The following UNC79 variants were observed in gnomAD, a reference collection of about 807,000 sequenced individuals.
UNC79 encodes the protein protein unc-79 homolog.
In UNC79, 37 loss-of-function variants were observed where a neutral mutation model predicts 283.1. That is an observed-to-expected ratio of 0.13 (90% CI 0.10 to 0.17). The LOEUF is 0.17. Ranked by LOEUF, UNC79 falls within the 10% of genes least tolerant of loss-of-function variation. The probability of loss-of-function intolerance (pLI) is 1.00; values close to 1 mark genes in which losing one functional copy is unlikely to be tolerated. For synonymous variants in UNC79, 1,107 were observed against 1,200.2 expected (o/e 0.92, Z 1.61); for missense variants, 2,272 against 3,211.1 (o/e 0.71, Z 7.07).
intron 26 of UNC79, chr14:93,604,900 G>A (rs760792007): frequency 5.1e-6 from 8 of 1,581,450 alleles, no homozygotes; most frequent in Middle Eastern, 1.7e-4. Context: ...TTTAAGCTAT[G>A]AGGTTGACCA....
At chr14:93,539,975 G>A (rs1216038133) in intron 12 of UNC79, among the ~76,000 whole-genome samples, 6 of 152,024 alleles carry the variant, frequency 3.9e-5, no homozygotes, top group African/African-American at 1.4e-4. Context: ...AAATATTTTT[G>A]TACATAGTGC....
intron 14 of UNC79, among the ~76,000 whole-genome samples, chr14:93,559,027 A>G (rs978314793): frequency 6.6e-6 from 1 of 152,196 alleles, no homozygotes; most frequent in Non-Finnish European, 1.5e-5. Context: ...GATAAAAGAA[A>G]AACTTCAGCT....
At chr14:93,584,887 G>C (rs2064109026) in intron 20 of UNC79, among the ~76,000 whole-genome samples, 1 of 151,528 alleles carries the variant, frequency 6.6e-6, no homozygotes, top group Non-Finnish European at 1.5e-5. Context: ...TTAAGAGATG[G>C]GGTTTTGCCA....
At chr14:93,669,908 A>G (rs965250458) in intron 40 of UNC79, among the ~76,000 whole-genome samples, 1 of 152,176 alleles carries the variant, frequency 6.6e-6, no homozygotes, top group African/African-American at 2.4e-5. Flanking sequence ...TCAGCACACA[A>G]TCAAAGATAA....
intron 37 of UNC79, 56 bp from the exon 41 acceptor site, chr14:93,655,178 G>A (rs979290862): frequency 2.0e-5 from 31 of 1,581,758 alleles, no homozygotes; most frequent in Non-Finnish European, 2.5e-5. Context: ...ACCAAATAGC[G>A]CTATGCATTC....
In UNC79 at chr14:93,675,356, A is replaced by G. The variant is rs139532102; in HGVS notation, c.6741+1901A>G. 6.8e-4 allele frequency among the ~76,000 whole-genome samples: 103 copies of G among 152,328 alleles called. No individual in the cohort carries two copies. In the East Asian group the frequency reaches 0.019, roughly 28 times the overall value. ...CTTATGAAGCATTATGAGGCCTGAC[A>G]TGGGCCAGGTGCTCTGCAGGGTGCT... On this transcript the variant is annotated intron_variant, in intron 41 of 48. Transcript: ENST00000555664.
At chr14:93,397,977 G>T (rs1195242908) in intron 1 of UNC79, among the ~76,000 whole-genome samples, 1 of 152,122 alleles carries the variant, frequency 6.6e-6, no homozygotes, top group African/African-American at 2.4e-5. Context: ...CTGAATTGCT[G>T]CAAGCCCTTA....
Position 93,430,946 on chromosome 14 carries a change from C to G in UNC79, c.-84C>G. 2 of 689,548 alleles carry G rather than the reference C, an allele frequency of 2.9e-6. No homozygotes were observed. The highest frequency in any genetic ancestry group is 5.5e-5 in the East Asian group (2 of 36,490). 42.7% of individuals were successfully genotyped at this position (689,548 alleles called of 1,614,324 possible). A position where few individuals can be genotyped will look rare whatever the true frequency, so the allele number is the denominator to read the frequency against. ...GGGTGGGGGGTGGGGGGTATGCACT[C>G]TTTTCCTCGCAACATCGCTGGCGGA... On this transcript the variant is annotated 5_prime_UTR_variant, in exon 1 of 49. Coordinates refer to ENST00000555664, the Ensembl canonical transcript of UNC79. The surrounding 1 kb of genome is among the most constrained non-coding windows in gnomAD (Gnocchi z 4.6).
intron 14 of UNC79, among the ~76,000 whole-genome samples, chr14:93,548,108 A>G (rs1296414858): frequency 6.6e-6 from 1 of 152,214 alleles, no homozygotes; most frequent in East Asian, 1.9e-4. Context: ...TTGGGCTGCA[A>G]AAAAATACCA....
Position 93,557,260 on chromosome 14 carries a change from G to C in UNC79, c.1755+14564G>C, listed in dbSNP as rs569643267. Among the ~76,000 whole-genome samples the C allele has an allele frequency of 5.9e-5, 9 of 152,318 alleles. 2 individuals carry two copies. Among genetic ancestry groups the C allele is most frequent in the African/African-American group, 2.2e-4 (9 of 41,570 alleles). On this transcript the variant is annotated intron_variant, in intron 14 of 48. Coordinates refer to ENST00000555664, the Ensembl canonical transcript of UNC79. ...TATAACAATCTTGAAGCCATATTTT[G>C]TTATGGGTATTGGGACATCTGGACT...
chr14:93,510,162 A>T (rs2059751327), intron 7 of UNC79, among the ~76,000 whole-genome samples: 1 of 152,172 alleles, frequency 6.6e-6, no homozygotes, highest in South Asian at 2.1e-4. Context: ...TACAGAGAAC[A>T]GTGTCCTGAG....
chr14:93,534,364 A>G (rs186896679), intron 11 of UNC79, among the ~76,000 whole-genome samples: 2 of 152,218 alleles, frequency 1.3e-5, no homozygotes, highest in Admixed American at 1.3e-4. Context: ...AGGGTCCCAT[A>G]TATCTCTTTT....
intron 17 of UNC79, 102 bp from the exon 18 acceptor site, chr14:93,577,740 G>T: frequency 8.8e-7 from 1 of 1,137,176 alleles, no homozygotes; most frequent in South Asian, 1.4e-5. Context: ...AAAGAAATAA[G>T]TGTGACAGCT....
chr14:93,487,865 T>G lies in UNC79; in HGVS notation c.712+110T>G, dbSNP rs2058523027. On this transcript the variant is annotated intron_variant, in intron 5 of 48. Coordinates refer to ENST00000555664, the Ensembl canonical transcript of UNC79. ...TGAGAACGTCATCATCATAGAGATG[T>G]GTAGAAAACAGACTTTTGAGTTGGA... 7.0e-6 allele frequency: 7 copies of G among 1,003,334 alleles called. No individual in the cohort carries two copies. In the East Asian group the frequency reaches 1.5e-4, roughly 22 times the overall value. The allele number at this position is 1,003,334 out of a possible 1,614,324, so 62.2% of individuals were successfully genotyped here.
At chr14:93,346,136 T>G (rs906528984) in intron 1 of UNC79, among the ~76,000 whole-genome samples, 2 of 151,936 alleles carry the variant, frequency 1.3e-5, no homozygotes, top group African/African-American at 4.8e-5. Flanking sequence ...CTACAAACCC[T>G]TCCTGAAAGA....
chr14:93,535,339 T>C (rs559231619), intron 11 of UNC79, among the ~76,000 whole-genome samples: 1 of 152,350 alleles, frequency 6.6e-6, no homozygotes, highest in East Asian at 1.9e-4. Context: ...TGGGGAAATG[T>C]ATTTTATTGC....
chr14:93,404,509 T>TATATATATATATATATATATATATATAA (rs1566915254), intron 1 of UNC79, among the ~76,000 whole-genome samples: 4 of 113,980 alleles, frequency 3.5e-5, no homozygotes, highest in East Asian at 2.3e-4. Context: ...TATATATATA[T>TATATATATATATATATATATATATATAA]ATATAAATAT....
chr14:93,577,924 G>C, exon 18 of UNC79: 1 of 1,614,116 alleles, frequency 6.2e-7, no homozygotes, highest in Non-Finnish European at 8.5e-7. Flanking sequence ...AGTCCGTTTC[G>C]GAGTCCTTTG....
In UNC79 at chr14:93,577,839, T is replaced by C; in HGVS notation, c.2212-3T>C. ...TTCTATGTGTTGCCATTCTTTCTTGTAGGTGAGTGTTGCCTCTGATCCTGG... is the reference window on the plus strand; with the variant it reads ...TTCTATGTGTTGCCATTCTTTCTTGCAGGTGAGTGTTGCCTCTGATCCTGG... On this transcript the variant is annotated splice_region_variant and splice_polypyrimidine_tract_variant and intron_variant, in intron 17 of 48. Transcript: ENST00000555664. 1 of 1,613,452 alleles carries C rather than the reference T, an allele frequency of 6.2e-7. No homozygotes were observed. The highest frequency in any genetic ancestry group is 8.5e-7 in the Non-Finnish European group (1 of 1,179,732).
Sources: allele counts gnomAD v4.1 joint callset (sites outside exome capture counted in the v4.1 genomes callset), GRCh38; gene constraint gnomAD v4.1.1; non-coding constraint Gnocchi (gnomAD v3.1); transcripts MANE v1.5; gene names NCBI Gene and HGNC (gene_info 2026-07-23, HGNC 2026-07-21).